Variants in TXNRD1 observed in about 807,000 individuals in gnomAD.
TXNRD1 encodes the protein thioredoxin reductase 1, also known as thioredoxin reductase 1, cytoplasmic.
A neutral mutation model predicts 80.3 loss-of-function variants in TXNRD1; 57 were observed. The observed-to-expected ratio is 0.71, with a 90% CI of 0.57 to 0.89. The LOEUF is 0.89. Ranked by LOEUF, TXNRD1 falls within the 40% of genes least tolerant of loss-of-function variation. The probability of loss-of-function intolerance (pLI) is 0.00; values close to 1 mark genes in which losing one functional copy is unlikely to be tolerated. For synonymous variants in TXNRD1, 291 were observed against 285.2 expected (o/e 1.02, Z -0.20); for missense variants, 730 against 803.0 (o/e 0.91, Z 1.10).
chr12:104,330,374 C>T (rs2035908038), intron 13 of TXNRD1, among the ~76,000 whole-genome samples: 1 of 152,126 alleles, frequency 6.6e-6, no homozygotes, highest in African/African-American at 2.4e-5. Flanking sequence ...GATAGAGGAA[C>T]TCATTTATTT....
intron 3 of TXNRD1, 22 bp from the exon 4 acceptor site, chr12:104,288,909 G>A (rs761991989): frequency 1.9e-6 from 3 of 1,613,972 alleles, no homozygotes; most frequent in Admixed American, 1.7e-5. Flanking sequence ...TACACGCTCC[G>A]CTCTGCTTTT....
In TXNRD1 at chr12:104,334,227, ATCT is replaced by A; in HGVS notation, c.1651-5_1651-3del. ...TAATGGGTCTAAATTTTGCTTTTGT[ATCT>A]TCTTAGGTTTACCATAGTTACTTTT... is the stretch of plus-strand genomic sequence containing the variant. On this transcript the variant is annotated splice_region_variant and splice_polypyrimidine_tract_variant and intron_variant, in intron 14 of 16. Coordinates refer to ENST00000525566, the MANE Select transcript of TXNRD1 (RefSeq NM_001093771.3). 1.4e-6 allele frequency: 2 copies of A among 1,475,816 alleles called. No homozygotes were observed. 91.4% of individuals were successfully genotyped at this position (1,475,816 alleles called of 1,614,324 possible).
chr12:104,258,073 C>A lies in TXNRD1; in HGVS notation c.298C>A (p.Gln100Lys). 1 of 1,549,458 alleles carries A rather than the reference C, an allele frequency of 6.5e-7. No individual in the cohort carries two copies. Among genetic ancestry groups the A allele is most frequent in the South Asian group, 1.2e-5 (1 of 83,236 alleles). ...TCCTTATTTTGTGCTTGAACTTGAT[C>A]AAACAGGTAAGTTTCTGTTTAATAT... is the stretch of plus-strand genomic sequence containing the variant. ...CVPYFVLELD[Q>K]TEDGRALEGT... Residue 100 changes from glutamine (Q) to lysine (K), a missense_variant, in exon 3 of 17, where the codon CAA (glutamine) becomes AAA (lysine). Gln to Lys is a moderately conservative substitution (Grantham distance 53). Transcript: ENST00000525566.
chr12:104,248,498 T>A (rs2033039716), intron 1 of TXNRD1, among the ~76,000 whole-genome samples: 1 of 152,208 alleles, frequency 6.6e-6, no homozygotes, highest in Non-Finnish European at 1.5e-5. Flanking sequence ...TTGGTCGGGC[T>A]GGTCTCAAAC....
chr12:104,240,845 C>A (rs992122066), intron 1 of TXNRD1, among the ~76,000 whole-genome samples: 1 of 148,696 alleles, frequency 6.7e-6, no homozygotes, highest in African/African-American at 2.5e-5. Context: ...TGGGTTCAAG[C>A]GATTCTCTTG....
At chr12:104,339,523 T>C in intron 16 of TXNRD1, 1 of 609,284 alleles carries the variant, frequency 1.6e-6, no homozygotes, top group Non-Finnish European at 3.0e-6. Flanking sequence ...TTAAATATTT[T>C]ATTTATCATA....
intron 1 of TXNRD1, among the ~76,000 whole-genome samples, chr12:104,233,752 C>A (rs2032675200): frequency 6.6e-6 from 1 of 152,084 alleles, no homozygotes; most frequent in Admixed American, 6.6e-5. Flanking sequence ...GAACTCCTGA[C>A]CTCAGGTGAT....
In TXNRD1 at chr12:104,339,560, A is replaced by G. The variant is rs73181903; in HGVS notation, c.1881+287A>G. The G allele has an allele frequency of 8.8e-4, 417 of 472,898 alleles. 1 individual carries two copies. Among genetic ancestry groups the G allele is most frequent in the Non-Finnish European group, 1.5e-3 (371 of 254,888 alleles). The allele number at this position is 472,898 out of a possible 1,614,324, so 29.3% of individuals were successfully genotyped here. A position where few individuals can be genotyped will look rare whatever the true frequency, so the allele number is the denominator to read the frequency against. On this transcript the variant is annotated intron_variant, in intron 16 of 16. Coordinates refer to ENST00000525566, the MANE Select transcript of TXNRD1 (RefSeq NM_001093771.3). The stretch of plus-strand genomic sequence containing the variant: ...CTTCTAAATTATTTTCATGGCAATC[A>G]GTTAATAATGGAAGAGCTTCAATCT...
intron 3 of TXNRD1, among the ~76,000 whole-genome samples, chr12:104,267,241 C>CTCTCTCTTTCTT (rs1555209189): frequency 4.7e-5 from 4 of 85,750 alleles, no homozygotes; most frequent in African/African-American, 1.9e-4. Flanking sequence ...ATTTTCTTTT[C>CTCTCTCTTTCTT]TCTTTCTTTC....
intron 1 of TXNRD1, among the ~76,000 whole-genome samples, chr12:104,240,387 T>A (rs2032832939): frequency 6.6e-6 from 1 of 152,232 alleles, no homozygotes; most frequent in Non-Finnish European, 1.5e-5. Flanking sequence ...AGGTAGTTTC[T>A]TTTAAGCCCT....
At chr12:104,303,975 A>G (rs1764783749) in intron 4 of TXNRD1, 2 of 1,605,908 alleles carry the variant, frequency 1.2e-6, no homozygotes, top group South Asian at 2.2e-5. Flanking sequence ...GGCTGCTCCG[A>G]CGACCTCAGC....
rs1212860739 is a variant in TXNRD1 at position 104,348,653 on chromosome 12, A to G, written c.*232A>G. The G allele has an allele frequency of 3.8e-5, 20 of 531,744 alleles. No individual in the cohort carries two copies. 32.9% of individuals were successfully genotyped at this position (531,744 alleles called of 1,614,324 possible). A position where few individuals can be genotyped will look rare whatever the true frequency, so the allele number is the denominator to read the frequency against. ...GAAGCTGACATTTGGCAGGGCATCG[A>G]AGGGATGCATCCATGAAGTCACCAG... On this transcript the variant is annotated 3_prime_UTR_variant, in exon 17 of 17. Transcript: ENST00000525566.
At position 104,309,380 on chromosome 12, in the gene TXNRD1, C is replaced by T. The variant is rs143844134; in HGVS notation, c.415-1910C>T. Reference sequence around the variant, plus strand: ...GAACCAGGAGAAGCCAGGTTACATACAGAATTTCAGTAAGGAACGGATTGT... The same window carrying T: ...GAACCAGGAGAAGCCAGGTTACATATAGAATTTCAGTAAGGAACGGATTGT... On this transcript the variant is annotated intron_variant, in intron 4 of 16. Coordinates refer to ENST00000525566, the MANE Select transcript of TXNRD1 (RefSeq NM_001093771.3). Among the ~76,000 whole-genome samples, 165 of 152,246 alleles carry T rather than the reference C, an allele frequency of 1.1e-3. 1 individual carries two copies. Among genetic ancestry groups the T allele is most frequent in the African/African-American group, 3.5e-3 (146 of 41,554 alleles).
rs2036582302 is a variant in TXNRD1 at position 104,349,363 on chromosome 12, CTATT to C, written c.*944_*947del. 1 of 152,520 alleles carries C rather than the reference CTATT, an allele frequency of 6.6e-6. No homozygotes were observed. Among genetic ancestry groups the C allele is most frequent in the Non-Finnish European group, 1.5e-5 (1 of 68,028 alleles). 9.4% of individuals were successfully genotyped at this position (152,520 alleles called of 1,614,324 possible). The stretch of plus-strand genomic sequence containing the variant: ...TAAAAAAAATAATGACATTGGGTAT[CTATT>C]TCTTTCTAAGACTACATTAGTAGGA... On this transcript the variant is annotated 3_prime_UTR_variant, in exon 17 of 17. Transcript: ENST00000525566.
chr12:104,230,323 C>G (rs987583463), intron 1 of TXNRD1, among the ~76,000 whole-genome samples: 1 of 151,802 alleles, frequency 6.6e-6, no homozygotes, highest in African/African-American at 2.4e-5. Context: ...CCCACCGCAG[C>G]CTCCCAAAGT....
chr12:104,318,267 G>A (rs1431271374), intron 7 of TXNRD1, among the ~76,000 whole-genome samples: 1 of 152,174 alleles, frequency 6.6e-6, no homozygotes, highest in Non-Finnish European at 1.5e-5. Context: ...TGGGAGTTTG[G>A]AGGAAATGTG....
chr12:104,253,728 C>G (rs149010248), intron 2 of TXNRD1, among the ~76,000 whole-genome samples: 1 of 152,090 alleles, frequency 6.6e-6, no homozygotes, highest in Non-Finnish European at 1.5e-5. Context: ...GAGTCTCGCT[C>G]TGTTGCCCAG....
At chr12:104,224,929 G>C (rs777556523) in intron 1 of TXNRD1, 1 of 456,582 alleles carries the variant, frequency 2.2e-6, no homozygotes, top group South Asian at 1.5e-5. Context: ...ATGAGGGTGA[G>C]AGAATGCAGA....
intron 15 of TXNRD1, among the ~76,000 whole-genome samples, chr12:104,337,918 C>A (rs550265749): frequency 4.0e-5 from 6 of 149,850 alleles, no homozygotes; most frequent in African/African-American, 1.5e-4. Context: ...TCCCAAGTAG[C>A]TGGGACTACA....
Sources: gnomAD v4.1 joint callset for allele counts (sites outside exome capture counted in the v4.1 genomes callset) on GRCh38, gnomAD v4.1.1 for gene constraint, MANE v1.5 for transcripts, NCBI Gene and HGNC (gene_info 2026-07-23, HGNC 2026-07-21) for gene names.